Variants in SPATC1 observed in about 807,000 individuals in gnomAD.
The protein encoded by SPATC1 is speriolin.
Under a neutral mutation model 36.5 loss-of-function variants are expected in SPATC1, and 35 were observed. The observed-to-expected ratio is 0.96, with a 90% CI of 0.73 to 1.27. The LOEUF (loss-of-function observed/expected upper bound fraction) is 1.27, where lower values mean the gene tolerates loss of function less well. Ranked by LOEUF, SPATC1 falls within the 50% of genes most tolerant of loss-of-function variation. The pLI, the probability that SPATC1 is intolerant of heterozygous loss-of-function variation, is 0.00. For missense variants in SPATC1, 779 were observed against 796.0 expected, an observed-to-expected ratio of 0.98 and a Z score of 0.26; for synonymous variants, 361 against 353.6, an observed-to-expected ratio of 1.02 and a Z score of -0.24.
At chr8:144,020,127 G>A (rs2133104004) in intron 1 of SPATC1, among the ~76,000 whole-genome samples, 1 of 150,630 alleles carries the variant, frequency 6.6e-6, no homozygotes, top group East Asian at 2.0e-4. Flanking sequence ...ACACGTTCCC[G>A]CTCAAGATCT....
intron 1 of SPATC1, among the ~76,000 whole-genome samples, chr8:144,015,762 A>G (rs1834375747): frequency 6.9e-6 from 1 of 144,898 alleles, no homozygotes. Context: ...AAAAAAGAAA[A>G]GAAAAAAGAA....
At position 144,016,838 on chromosome 8, in the gene SPATC1, T is replaced by C. The variant is rs1322436772; in HGVS notation, c.211+4112T>C. On this transcript the variant is annotated intron_variant, in intron 1 of 4. Coordinates refer to ENST00000377470, the MANE Select transcript of SPATC1 (RefSeq NM_198572.3). This position sits in a 1 kb window ranked among gnomAD's most constrained non-coding sequence, Gnocchi z 4.5. The stretch of plus-strand genomic sequence containing the variant: ...TGTTAGTAGAGACGAGGTTTCTCCA[T>C]GTTGGTCTCATGTCGGCCTCAAACT... 6.6e-6 allele frequency among the ~76,000 whole-genome samples: 1 copy of C among 152,158 alleles called. No individual in the cohort carries two copies. Among genetic ancestry groups the C allele is most frequent in the Non-Finnish European group, 1.5e-5 (1 of 68,026 alleles).
Position 144,044,313 on chromosome 8 carries a change from T to A in SPATC1, c.1447-2314T>A, listed in dbSNP as rs1327097657. On this transcript the variant is annotated intron_variant, in intron 4 of 4. Coordinates refer to ENST00000377470, the MANE Select transcript of SPATC1 (RefSeq NM_198572.3). The stretch of plus-strand genomic sequence containing the variant: ...CCTATTCCTTGAAGGAATTTTTTTT[T>A]TTTTTTGAGATGGAGTCTCGCTCTG... 2.0e-5 allele frequency among the ~76,000 whole-genome samples: 3 copies of A among 151,696 alleles called. No individual in the cohort carries two copies. In the East Asian group the frequency reaches 5.9e-4, roughly 30 times the overall value.
chr8:144,022,834 CCTT>C (rs1182313716), intron 1 of SPATC1, among the ~76,000 whole-genome samples: 1 of 150,514 alleles, frequency 6.6e-6, no homozygotes, highest in Non-Finnish European at 1.5e-5. Flanking sequence ...TTTCTAACGA[CCTT>C]CTTCCCTGAG....
chr8:144,045,674 G>A lies in SPATC1; in HGVS notation c.1447-953G>A, dbSNP rs1169891646. On this transcript the variant is annotated intron_variant, in intron 4 of 4. Coordinates refer to ENST00000377470, the MANE Select transcript of SPATC1 (RefSeq NM_198572.3). The surrounding 1 kb of genome is among the most constrained non-coding windows in gnomAD (Gnocchi z 5.2). ...CTCCACTTTAGACCCGTGGCTCTGT[G>A]GGCCTGTGCAGAGAGCGGGCAGGGC... 6.6e-6 allele frequency among the ~76,000 whole-genome samples: 1 copy of A among 152,238 alleles called. No homozygotes were observed. Among genetic ancestry groups the A allele is most frequent in the East Asian group, 1.9e-4 (1 of 5,196 alleles).
At chr8:144,011,786 C>T (rs146380983), upstream of SPATC1, among the ~76,000 whole-genome samples, 243 of 152,182 alleles carry the variant, frequency 1.6e-3, 6 homozygotes, top group East Asian at 0.039. The surrounding 1 kb of genome is among the most constrained non-coding windows in gnomAD (Gnocchi z 4.5). Flanking sequence ...GAATAGGGAA[C>T]GCTGAGTCAC....
At chr8:144,032,152 T>C (rs1834810837) in intron 1 of SPATC1, among the ~76,000 whole-genome samples, 1 of 152,260 alleles carries the variant, frequency 6.6e-6, no homozygotes, top group African/African-American at 2.4e-5. Context: ...TTCATTTTTC[T>C]TTCTATTCCT....
chr8:144,042,312 T>TATATATATA (rs1491347915), intron 4 of SPATC1, among the ~76,000 whole-genome samples: 2 of 35,082 alleles, frequency 5.7e-5, no homozygotes, highest in African/African-American at 3.6e-4. Flanking sequence ...TATATATATA[T>TATATATATA]TTTTTTTTTT....
intron 1 of SPATC1, among the ~76,000 whole-genome samples, chr8:144,036,885 A>G (rs1468446766): frequency 1.3e-5 from 2 of 151,790 alleles, no homozygotes; most frequent in Middle Eastern, 3.2e-3. Flanking sequence ...AAAAAATAGC[A>G]CGTCCGTAAG....
At chr8:144,038,516 T>G (rs1834975246) in intron 1 of SPATC1, among the ~76,000 whole-genome samples, 1 of 151,360 alleles carries the variant, frequency 6.6e-6, no homozygotes, top group Non-Finnish European at 1.5e-5. Context: ...CAGGCTGGAG[T>G]GCAGTGGCAC....
intron 1 of SPATC1, among the ~76,000 whole-genome samples, chr8:144,039,072 C>T (rs1024021830): frequency 1.3e-5 from 2 of 152,134 alleles, no homozygotes; most frequent in Non-Finnish European, 2.9e-5. Flanking sequence ...TCTGTATTTC[C>T]ATTCTTTCTC....
intron 4 of SPATC1, 106 bp downstream of exon 4, chr8:144,041,477 C>A: frequency 7.0e-7 from 1 of 1,423,278 alleles, no homozygotes. Flanking sequence ...CTGAGGAGTC[C>A]CTGGGATAGA....
chr8:144,021,201 G>A (rs1343076605), intron 1 of SPATC1, among the ~76,000 whole-genome samples: 5 of 86,262 alleles, frequency 5.8e-5, no homozygotes, highest in African/African-American at 2.3e-4. Context: ...TCTCCCCTTA[G>A]AACCCCCTCC....
chr8:144,040,135 G>C lies in SPATC1; in HGVS notation c.438G>C (p.Ala146=). ...CCAGCTTCCTGACCAGTCCCATTGCGGGACCCCTAACAGGCACACTGGCCA... is the reference window on the plus strand; with the variant it reads ...CCAGCTTCCTGACCAGTCCCATTGCCGGACCCCTAACAGGCACACTGGCCA... ...PLTSFLTSPI[A]GPLTGTLASS... Residue 146 remains alanine, a synonymous_variant, in exon 2 of 5, where the codon GCG becomes GCC. Transcript: ENST00000377470. 6.2e-7 allele frequency: 1 copy of C among 1,609,318 alleles called. No homozygotes were observed. The highest frequency in any genetic ancestry group is 8.5e-7 in the Non-Finnish European group (1 of 1,179,012).
chr8:144,026,612 G>A (rs953058776), intron 1 of SPATC1, among the ~76,000 whole-genome samples: 12 of 152,118 alleles, frequency 7.9e-5, no homozygotes, highest in African/African-American at 2.9e-4. Flanking sequence ...GCCAATATGT[G>A]TTATCATCTG....
Position 144,046,720 on chromosome 8 carries a change from C to A in SPATC1, c.1540C>A (p.Leu514Met), listed in dbSNP as rs373515141. ...GAGCGTCATGAACAGGCTGCAGAGT[C>A]TGGGCTACAACGGGCGGGTGCACCC... ...YVSVMNRLQS[L>M]GYNGRVHPAL... The change falls in exon 5 of 5, where the codon CTG (leucine) becomes ATG (methionine). Residue 514 changes from leucine to methionine, a missense_variant. Leu to Met is a conservative substitution (Grantham distance 15, BLOSUM62 2). Transcript: ENST00000377470. The surrounding 1 kb of genome is among the most constrained non-coding windows in gnomAD (Gnocchi z 6.6). The A allele has an allele frequency of 6.2e-7, 1 of 1,612,518 alleles. No homozygotes were observed. The highest frequency in any genetic ancestry group is 1.3e-5 in the African/African-American group (1 of 74,934).
intron 1 of SPATC1, among the ~76,000 whole-genome samples, chr8:144,026,161 C>G: frequency 6.6e-6 from 1 of 152,130 alleles, no homozygotes; most frequent in East Asian, 1.9e-4. Flanking sequence ...TTTGCCCATT[C>G]TCAACATTCC....
At chr8:144,041,497 C>A in intron 4 of SPATC1, 126 bp downstream of exon 4, 1 of 1,230,436 alleles carries the variant, frequency 8.1e-7, no homozygotes, top group Non-Finnish European at 1.1e-6. Flanking sequence ...AGGAAGCTGA[C>A]TGCTCAGTGC....
chr8:144,038,876 C>T (rs571785077), intron 1 of SPATC1, among the ~76,000 whole-genome samples: 6 of 152,256 alleles, frequency 3.9e-5, no homozygotes, highest in Admixed American at 1.3e-4. Flanking sequence ...CAGGCTTGAG[C>T]GGTTGCAACA....
Sources: allele counts gnomAD v4.1 joint callset (sites outside exome capture counted in the v4.1 genomes callset), GRCh38; gene constraint gnomAD v4.1.1; non-coding constraint Gnocchi (gnomAD v3.1); transcripts MANE v1.5; gene names NCBI Gene and HGNC (gene_info 2026-07-23, HGNC 2026-07-21).